CSTPP1: variants seen among roughly 807,000 people sequenced by gnomAD.
CSTPP1 encodes UPF0705 protein C11orf49.
the CSTPP1 span, among the ~76,000 whole-genome samples, chr11:46,996,915 A>G: frequency 6.6e-6 from 1 of 152,218 alleles, no homozygotes; most frequent in African/African-American, 2.4e-5. Context: ...AGTTTCTGCC[A>G]AGAGATCTGC....
the CSTPP1 span, among the ~76,000 whole-genome samples, chr11:47,027,462 C>T: frequency 6.6e-5 from 10 of 152,162 alleles, no homozygotes; most frequent in African/African-American, 2.4e-4. Context: ...GTCTTTCTTC[C>T]TTAGCAGCAG....
At chr11:47,115,535 C>T in the CSTPP1 span, among the ~76,000 whole-genome samples, 1 of 152,086 alleles carries the variant, frequency 6.6e-6, no homozygotes, top group Admixed American at 6.5e-5. Flanking sequence ...CTGGTTTAGT[C>T]TTGGGAGAGT....
the CSTPP1 span, among the ~76,000 whole-genome samples, chr11:46,958,321 C>A: frequency 6.6e-6 from 1 of 152,062 alleles, no homozygotes; most frequent in African/African-American, 2.4e-5. Flanking sequence ...TTAACATTTT[C>A]TTTTCCCTAG....
chr11:47,150,397 CTGAG>C, the CSTPP1 span, among the ~76,000 whole-genome samples: 1 of 152,180 alleles, frequency 6.6e-6, no homozygotes, highest in Non-Finnish European at 1.5e-5. Context: ...CAGACGTTGA[CTGAG>C]TGCCTACTAT....
At chr11:46,968,419 A>G in the CSTPP1 span, among the ~76,000 whole-genome samples, 1 of 147,266 alleles carries the variant, frequency 6.8e-6, no homozygotes. Context: ...ATATATTATT[A>G]AAATAAATAT....
At chr11:46,997,349 G>T in the CSTPP1 span, among the ~76,000 whole-genome samples, 5 of 152,212 alleles carry the variant, frequency 3.3e-5, no homozygotes, top group Non-Finnish European at 5.9e-5. Flanking sequence ...GATCAAATCG[G>T]CTACTGAAGC....
chr11:47,163,356 G>C, the CSTPP1 span, among the ~76,000 whole-genome samples: 1 of 152,126 alleles, frequency 6.6e-6, no homozygotes, highest in African/African-American at 2.4e-5. Flanking sequence ...ATGGAGTCCA[G>C]AAATTCCAGA....
the CSTPP1 span, among the ~76,000 whole-genome samples, chr11:47,086,238 A>C: frequency 2.7e-4 from 36 of 133,402 alleles, no homozygotes; most frequent in African/African-American, 4.5e-4. Context: ...AAAATCCAAA[A>C]AAAAAAAAAA....
the CSTPP1 span, among the ~76,000 whole-genome samples, chr11:47,058,233 C>T: frequency 7.9e-5 from 12 of 152,164 alleles, no homozygotes; most frequent in Admixed American, 2.0e-4. Flanking sequence ...ATGGCTGAGG[C>T]GGGAGGATTG....
the CSTPP1 span, among the ~76,000 whole-genome samples, chr11:47,115,161 T>C: frequency 1.3e-5 from 2 of 152,240 alleles, 1 homozygote; most frequent in South Asian, 4.1e-4. Context: ...GAGCCAGCCT[T>C]GCATCCCAGG....
chr11:47,048,485 GGAAA>G, the CSTPP1 span, among the ~76,000 whole-genome samples: 1 of 147,876 alleles, frequency 6.8e-6, no homozygotes, highest in African/African-American at 2.5e-5. Flanking sequence ...TATGAAGGAA[GGAAA>G]GAAGGAAGGA....
chr11:47,080,912 G>T, the CSTPP1 span, among the ~76,000 whole-genome samples: 1 of 151,300 alleles, frequency 6.6e-6, no homozygotes, highest in Admixed American at 6.6e-5. Flanking sequence ...GGAAGGCTGA[G>T]ATGGGAGGAT....
chr11:47,132,509 A>AT, the CSTPP1 span, among the ~76,000 whole-genome samples: 1 of 152,310 alleles, frequency 6.6e-6, no homozygotes, highest in South Asian at 2.1e-4. Context: ...CAACAATTCC[A>AT]TTAGGTAGGT....
the CSTPP1 span, among the ~76,000 whole-genome samples, chr11:46,997,242 C>T: frequency 6.6e-6 from 1 of 152,154 alleles, no homozygotes; most frequent in Non-Finnish European, 1.5e-5. Flanking sequence ...TTCTTGGAGG[C>T]TTTGTTCGTT....
the CSTPP1 span, chr11:46,936,764 G>A: frequency 6.2e-7 from 1 of 1,607,400 alleles, no homozygotes; most frequent in East Asian, 2.3e-5. Flanking sequence ...CTGGGTTCCG[G>A]AAGCCGGAGA....
chr11:47,039,842 AAAAC>A, the CSTPP1 span, among the ~76,000 whole-genome samples: 376 of 128,680 alleles, frequency 2.9e-3, 28 homozygotes, highest in African/African-American at 8.1e-3. Flanking sequence ...CCGTCTCAAA[AAAAC>A]AAACAAACAA....
At chr11:47,007,340 G>A in the CSTPP1 span, among the ~76,000 whole-genome samples, 1 of 151,968 alleles carries the variant, frequency 6.6e-6, no homozygotes, top group Non-Finnish European at 1.5e-5. Flanking sequence ...CCATCATTTT[G>A]TAGTTTATGC....
the CSTPP1 span, chr11:47,052,584 T>C: frequency 1.9e-5 from 28 of 1,488,640 alleles, no homozygotes; most frequent in Non-Finnish European, 1.9e-5. Context: ...CCTTCCTTCC[T>C]CTCTCTCTCT....
At chr11:47,132,474 A>G in the CSTPP1 span, among the ~76,000 whole-genome samples, 6 of 152,226 alleles carry the variant, frequency 3.9e-5, no homozygotes, top group Admixed American at 3.3e-4. Flanking sequence ...AGAAAAGTGT[A>G]TATGTTACCT....
Sources: allele counts gnomAD v4.1 joint callset (sites outside exome capture counted in the v4.1 genomes callset), GRCh38; gene constraint gnomAD v4.1.1; transcripts MANE v1.5; gene names NCBI Gene and HGNC (gene_info 2026-07-23, HGNC 2026-07-21).